SLC6A3: variants seen among roughly 807,000 people sequenced by gnomAD.
The protein encoded by SLC6A3 is solute carrier family 6 member 3.
In SLC6A3, 19 loss-of-function variants were observed where a neutral mutation model predicts 70.4. The observed-to-expected ratio is 0.27, with a 90% CI of 0.19 to 0.40. SLC6A3 has a LOEUF of 0.40. SLC6A3 is among the 10% of genes least tolerant of loss of function. The pLI is 1.00. For synonymous variants in SLC6A3, 368 were observed against 356.6 expected, an observed-to-expected ratio of 1.03 and a Z score of -0.36; for missense variants, 613 against 838.5, an observed-to-expected ratio of 0.73 and a Z score of 3.32.
chr5:1,409,901 A>G (rs1262742464), intron 9 of SLC6A3, 52 bp from the exon 10 acceptor site: 1 of 1,609,518 alleles, frequency 6.2e-7, no homozygotes, highest in Non-Finnish European at 8.5e-7. Context: ...TCCTGACCGC[A>G]GCCTGGGCCA....
rs751830201 is a variant in SLC6A3, at chr5:1,394,762, G to T, written c.1840-4C>A. ...ACACCTTGAGCCAGTGGCGGAGCTG[G>T]AAAGAAAACAGGTTTAGTCAGAAAC... On this transcript the variant is annotated splice_polypyrimidine_tract_variant and splice_region_variant and intron_variant, in intron 14 of 14. Coordinates refer to ENST00000270349, the MANE Select transcript of SLC6A3 (RefSeq NM_001044.5). The surrounding 1 kb of genome is among the most constrained non-coding windows in gnomAD (Gnocchi z 4.7). The T allele has an allele frequency of 1.1e-5, 17 of 1,614,160 alleles. 1 individual carries two copies. In the South Asian group the frequency reaches 1.5e-4, roughly 15 times the overall value.
chr5:1,414,649 G>T lies in SLC6A3; in HGVS notation c.1156+42C>A, dbSNP rs776229702. 2.5e-6 allele frequency: 4 copies of T among 1,608,426 alleles called. No homozygotes were observed. The East Asian group carries it at 6.7e-5, about 27-fold the overall frequency. ...AGGCTTTGCTGAGAGCTCGGCGCTG[G>T]TGCTACACGGAGCAGGCCCAGGTGC... is the stretch of plus-strand genomic sequence containing the variant. On this transcript the variant is annotated intron_variant, in intron 8 of 14. Transcript: ENST00000270349.
intron 1 of SLC6A3, among the ~76,000 whole-genome samples, chr5:1,443,872 T>TG (rs1733740020): frequency 2.0e-5 from 3 of 152,048 alleles, no homozygotes; most frequent in East Asian, 3.9e-4. Flanking sequence ...TTGTTGTTGT[T>TG]TTTTTGTAGA....
Position 1,415,949 on chromosome 5 carries a change from G to A in SLC6A3, c.1031+149C>T. ...AAATCGTGTTGGGAGCTGCCTCGCT[G>A]TCGCTTCTGTCTGAAAGGCCACGCA... On this transcript the variant is annotated intron_variant, in intron 7 of 14. Coordinates refer to ENST00000270349, the MANE Select transcript of SLC6A3 (RefSeq NM_001044.5). 3 of 696,780 alleles carry A rather than the reference G, an allele frequency of 4.3e-6. No individual in the cohort carries two copies. In the South Asian group the frequency reaches 4.5e-5, roughly 10 times the overall value. 43.2% of individuals were successfully genotyped at this position (696,780 alleles called of 1,614,324 possible). A position where few individuals can be genotyped will look rare whatever the true frequency, so the allele number is the denominator to read the frequency against.
At chr5:1,416,484 T>A in intron 6 of SLC6A3, 1 of 542,344 alleles carries the variant, frequency 1.8e-6, no homozygotes, top group South Asian at 2.0e-5. Context: ...GAACCAGAGG[T>A]GCCCTGCTCC....
intron 10 of SLC6A3, 117 bp downstream of exon 10, chr5:1,409,604 C>G (rs2245660): frequency 1.6e-6 from 2 of 1,246,994 alleles, no homozygotes; most frequent in Admixed American, 3.4e-5. Flanking sequence ...TGGGTGGGTT[C>G]GCAGCTCCCT....
intron 3 of SLC6A3, among the ~76,000 whole-genome samples, chr5:1,441,113 G>T (rs1733647850): frequency 6.6e-6 from 1 of 152,230 alleles, no homozygotes; most frequent in Non-Finnish European, 1.5e-5. Flanking sequence ...CTACATTTTA[G>T]CATCTTGACA....
Position 1,421,767 on chromosome 5 carries a change from A to G in SLC6A3, c.792+109T>C, listed in dbSNP as rs1756441959. The G allele has an allele frequency of 1.6e-6, 2 of 1,223,774 alleles. 1 individual carries two copies. Among genetic ancestry groups the G allele is most frequent in the Admixed American group, 3.4e-5 (2 of 59,498 alleles). 75.8% of individuals were successfully genotyped at this position (1,223,774 alleles called of 1,614,324 possible). On this transcript the variant is annotated intron_variant, in intron 5 of 14. Coordinates refer to ENST00000270349, the MANE Select transcript of SLC6A3 (RefSeq NM_001044.5). The surrounding 1 kb of genome is among the most constrained non-coding windows in gnomAD (Gnocchi z 7.2). ...CCAACCTGGCCATGGCCACATTGGT[A>G]GCACAAAACCCAACTGAGGCCACAC...
intron 7 of SLC6A3, among the ~76,000 whole-genome samples, chr5:1,415,776 G>A (rs1669718677): frequency 6.6e-6 from 1 of 152,164 alleles, no homozygotes; most frequent in Non-Finnish European, 1.5e-5. Context: ...TGGTGTGAGG[G>A]AAGAGGGTGT....
At chr5:1,423,758 G>A (rs1314834755) in intron 4 of SLC6A3, among the ~76,000 whole-genome samples, 1 of 152,180 alleles carries the variant, frequency 6.6e-6, no homozygotes. Flanking sequence ...AGTCAGCTGC[G>A]TCACCACTGC....
In SLC6A3 at chr5:1,394,402, AGAGCCGG is replaced by A. The variant is rs1238779499; in HGVS notation, c.*326_*332del. On this transcript the variant is annotated 3_prime_UTR_variant, in exon 15 of 15. Transcript: ENST00000270349. The surrounding 1 kb of genome is among the most constrained non-coding windows in gnomAD (Gnocchi z 4.7). Reference sequence around the variant, plus strand: ...AACACAGTGCCCCTGGGGCAGCCTCAGAGCCGGGAGCAGGGAGCAGGGAGGGAGGGAG... The same window carrying A: ...AACACAGTGCCCCTGGGGCAGCCTCAGAGCAGGGAGCAGGGAGGGAGGGAG... 31 of 491,764 alleles carry A rather than the reference AGAGCCGG, an allele frequency of 6.3e-5. No homozygotes were observed. The highest frequency in any genetic ancestry group is 1.3e-4 in the South Asian group (6 of 44,524). The allele number at this position is 491,764 out of a possible 1,614,324, so 30.5% of individuals were successfully genotyped here. A position where few individuals can be genotyped will look rare whatever the true frequency, so the allele number is the denominator to read the frequency against.
Position 1,409,848 on chromosome 5 carries a change from A to G in SLC6A3, c.1271T>C (p.Met424Thr). 1 of 1,613,172 alleles carries G rather than the reference A, an allele frequency of 6.2e-7. No individual in the cohort carries two copies. Among genetic ancestry groups the G allele is most frequent in the Non-Finnish European group, 8.5e-7 (1 of 1,180,010 alleles). ...GGTGATCACTGACTCCATACCACCC[A>G]TCTGCACACAGAGCACAGGGTCGGG... is the stretch of plus-strand genomic sequence containing the variant. ...MLLTLGIDSA[M>T]GGMESVITGL... Residue 424 changes from methionine (M) to threonine (T), a missense_variant and splice_region_variant, in exon 10 of 15, where the codon ATG becomes ACG. Physicochemically the swap from Met to Thr is moderately conservative, Grantham distance 81 (BLOSUM62 -1). This residue lies in a region of SLC6A3 where 348 missense variants were observed against 481.2 expected (regional missense o/e 0.72). Coordinates refer to ENST00000270349, the MANE Select transcript of SLC6A3 (RefSeq NM_001044.5).
At position 1,408,901 on chromosome 5, in the gene SLC6A3, G is replaced by A. The variant is rs149407403; in HGVS notation, c.1498+125C>T. 1.4e-6 allele frequency: 1 copy of A among 727,972 alleles called. No homozygotes were observed. Among genetic ancestry groups the A allele is most frequent in the Non-Finnish European group, 2.5e-6 (1 of 405,478 alleles). The allele number at this position is 727,972 out of a possible 1,614,324, so 45.1% of individuals were successfully genotyped here. ...CCAAGCCTCTCCCCTCTGCGGAGCT[G>A]TGATGACCACAACCCAGGCTTCCTG... On this transcript the variant is annotated intron_variant, in intron 11 of 14. Transcript: ENST00000270349. This position sits in a 1 kb window ranked among gnomAD's most constrained non-coding sequence, Gnocchi z 6.4.
intron 7 of SLC6A3, among the ~76,000 whole-genome samples, chr5:1,415,280 G>T (rs1756259826): frequency 6.6e-6 from 1 of 152,144 alleles, no homozygotes; most frequent in African/African-American, 2.4e-5. Flanking sequence ...CAGAGAGCTG[G>T]AGGCAAGCCG....
chr5:1,403,192 A>G, intron 12 of SLC6A3, 103 bp from the exon 13 acceptor site: 2 of 1,363,020 alleles, frequency 1.5e-6, no homozygotes, highest in Non-Finnish European at 2.0e-6. Flanking sequence ...CTCAGCCCCC[A>G]CAGCTGTGCA....
In SLC6A3 at chr5:1,393,400, A is replaced by C. The variant is rs2111325342; in HGVS notation, c.*1335T>G. 1 of 152,820 alleles carries C rather than the reference A, an allele frequency of 6.5e-6. No homozygotes were observed. Among genetic ancestry groups the C allele is most frequent in the South Asian group, 2.1e-4 (1 of 4,844 alleles). The allele number at this position is 152,820 out of a possible 1,614,324, so 9.5% of individuals were successfully genotyped here. A position where few individuals can be genotyped will look rare whatever the true frequency, so the allele number is the denominator to read the frequency against. On this transcript the variant is annotated 3_prime_UTR_variant, in exon 15 of 15. Coordinates refer to ENST00000270349, the MANE Select transcript of SLC6A3 (RefSeq NM_001044.5). ...GCAATATCAGCAAGCAGGCTCGCGG[A>C]TACTGCATTCTTGAATTTGTTTTGA...
At position 1,406,146 on chromosome 5, in the gene SLC6A3, G is replaced by A. The variant is rs1415857983; in HGVS notation, c.1599+42C>T. On this transcript the variant is annotated intron_variant, in intron 12 of 14. Transcript: ENST00000270349. The surrounding 1 kb of genome is among the most constrained non-coding windows in gnomAD (Gnocchi z 8.8). ...CGGGGCAGGTGCCAGAGTGGGGGCAGTGGGCAGACGGGGGAAGGGCAGGTG... is the reference window on the plus strand; with the variant it reads ...CGGGGCAGGTGCCAGAGTGGGGGCAATGGGCAGACGGGGGAAGGGCAGGTG... The A allele has an allele frequency of 1.4e-6, 2 of 1,443,734 alleles. No individual in the cohort carries two copies. Among genetic ancestry groups the A allele is most frequent in the African/African-American group, 1.4e-5 (1 of 71,598 alleles). 89.4% of individuals were successfully genotyped at this position (1,443,734 alleles called of 1,614,324 possible). A position where few individuals can be genotyped will look rare whatever the true frequency, so the allele number is the denominator to read the frequency against.
Position 1,414,777 on chromosome 5 carries a change from C to T in SLC6A3, c.1070G>A (p.Ser357Asn). 1 of 1,612,952 alleles carries T rather than the reference C, an allele frequency of 6.2e-7. No homozygotes were observed. Among genetic ancestry groups the T allele is most frequent in the Non-Finnish European group, 8.5e-7 (1 of 1,179,888 alleles). Residue 357 changes from serine (S) to asparagine (N), a missense_variant, in exon 8 of 15, where the codon AGC becomes AAC. Coordinates refer to ENST00000270349, the MANE Select transcript of SLC6A3 (RefSeq NM_001044.5). Reference sequence around the variant, plus strand: ...GAAGACGACGAAGCCGGAGGAGAAGCTCGTCAGGGAGTTGATGGAGGTGGT... The same window carrying T: ...GAAGACGACGAAGCCGGAGGAGAAGTTCGTCAGGGAGTTGATGGAGGTGGT... ...IVTTSINSLT[S>N]FSSGFVVFSF...
chr5:1,398,456 C>T (rs1398428256), intron 14 of SLC6A3, among the ~76,000 whole-genome samples: 1 of 151,316 alleles, frequency 6.6e-6, no homozygotes, highest in Non-Finnish European at 1.5e-5. Context: ...AAAAATCAAT[C>T]TATAAAAAGG....
Sources: gnomAD v4.1 joint callset for allele counts (sites outside exome capture counted in the v4.1 genomes callset) on GRCh38, gnomAD v4.1.1 for gene constraint, gnomAD v4.1.1 regional missense constraint, Gnocchi (gnomAD v3.1) non-coding constraint, MANE v1.5 for transcripts, NCBI Gene and HGNC (gene_info 2026-07-23, HGNC 2026-07-21) for gene names.